The following OTOF variants were observed in gnomAD, a reference collection of about 807,000 sequenced individuals.
OTOF encodes the protein fer-1-like family member 2.
Under a neutral mutation model 236.8 loss-of-function variants are expected in OTOF, and 218 were observed. That is an observed-to-expected ratio of 0.92 (90% CI 0.82 to 1.03). The LOEUF is 1.03. Ranked by LOEUF, OTOF falls within the 50% of genes least tolerant of loss-of-function variation. The pLI is 0.00. For missense variants in OTOF, 2,590 were observed against 2,694.4 expected (o/e 0.96, Z 0.86); for synonymous variants, 1,041 against 1,072.5 (o/e 0.97, Z 0.57).
At chr2:26,465,887 T>C in intron 37 of OTOF, 45 bp from the exon 38 acceptor site, 2 of 1,612,992 alleles carry the variant, frequency 1.2e-6, no homozygotes, top group Non-Finnish European at 1.7e-6. Context: ...TTGGCTAGGG[T>C]GGGAGGTGTT....
At chr2:26,472,822 G>A (rs953095191) in intron 29 of OTOF, among the ~76,000 whole-genome samples, 173 bp from the exon 30 acceptor site, 2 of 152,178 alleles carry the variant, frequency 1.3e-5, no homozygotes, top group Admixed American at 6.5e-5. Flanking sequence ...AAGAGAGCCC[G>A]AGATAAGGGG....
In OTOF at chr2:26,473,641, C is replaced by T; in HGVS notation, c.3409-74G>A. The T allele has an allele frequency of 6.8e-7, 1 of 1,473,876 alleles. No individual in the cohort carries two copies. Among genetic ancestry groups the T allele is most frequent in the Non-Finnish European group, 9.2e-7 (1 of 1,092,794 alleles). 91.3% of individuals were successfully genotyped at this position (1,473,876 alleles called of 1,614,324 possible). A position where few individuals can be genotyped will look rare whatever the true frequency, so the allele number is the denominator to read the frequency against. ...GGGAGCCAGCCATGGGGGTGCTGGA[C>T]CATCCAATAGGGAACCGGGCAGTGG... On this transcript the variant is annotated intron_variant, in intron 27 of 46. Coordinates refer to ENST00000272371, the MANE Select transcript of OTOF (RefSeq NM_194248.3). The surrounding 1 kb of genome is among the most constrained non-coding windows in gnomAD (Gnocchi z 7.2).
In OTOF at chr2:26,503,055, C is replaced by G. The variant is rs555824738; in HGVS notation, c.584-629G>C. On this transcript the variant is annotated intron_variant, in intron 6 of 46. Transcript: ENST00000272371. ...TCTCCATTTAAGAAGGTGAAGGGCA[C>G]GGCTGGAATTGGCATGGGGGCAAGA... Among the ~76,000 whole-genome samples, 19 of 150,700 alleles carry G rather than the reference C, an allele frequency of 1.3e-4. 1 individual carries two copies. The highest frequency in any genetic ancestry group is 2.7e-4 in the Non-Finnish European group (18 of 67,776).
chr2:26,471,075 A>G, intron 31 of OTOF, 46 bp downstream of exon 31: 1 of 1,610,334 alleles, frequency 6.2e-7, no homozygotes, highest in Non-Finnish European at 8.5e-7. Flanking sequence ...CATTGCCAAT[A>G]AAGGACCCTC....
rs367937378 is a variant in OTOF, at chr2:26,503,755, C to T, written c.583+17G>A. 1.2e-6 allele frequency: 2 copies of T among 1,610,762 alleles called. No individual in the cohort carries two copies. On this transcript the variant is annotated intron_variant, in intron 6 of 46. Transcript: ENST00000272371. ...GCGAGGCGCGGGGCTGCGGGGCTCACGCGGCACCTGTCCTACCTGGTCTTT... is the reference window on the plus strand; with the variant it reads ...GCGAGGCGCGGGGCTGCGGGGCTCATGCGGCACCTGTCCTACCTGGTCTTT...
At chr2:26,519,847 G>A (rs899709734) in intron 3 of OTOF, among the ~76,000 whole-genome samples, 8 of 152,174 alleles carry the variant, frequency 5.3e-5, no homozygotes, top group African/African-American at 1.9e-4. Flanking sequence ...GAGTGTTCTT[G>A]TCAAAGCCCC....
rs1234424495 is a variant in OTOF, at chr2:26,478,171, G to GTGGCTC, written c.2215-428_2215-423dup. 7.0e-6 allele frequency: 4 copies of GTGGCTC among 573,244 alleles called. No individual in the cohort carries two copies. The South Asian group carries it at 1.2e-4, about 17-fold the overall frequency. The allele number at this position is 573,244 out of a possible 1,614,324, so 35.5% of individuals were successfully genotyped here. A position where few individuals can be genotyped will look rare whatever the true frequency, so the allele number is the denominator to read the frequency against. ...GAACAGATGCCTGGGGGAAGAGGGA[G>GTGGCTC]TGGCTCTGGCTCTGAGAGCACTGGG... is the stretch of plus-strand genomic sequence containing the variant. On this transcript the variant is annotated intron_variant, in intron 18 of 46. Coordinates refer to ENST00000272371, the MANE Select transcript of OTOF (RefSeq NM_194248.3).
intron 41 of OTOF, among the ~76,000 whole-genome samples, 173 bp downstream of exon 41, chr2:26,463,310 C>G (rs767260709): frequency 2.6e-5 from 4 of 152,226 alleles, no homozygotes; most frequent in African/African-American, 9.7e-5. Flanking sequence ...TAAACTCTAT[C>G]GATTGGTTGG....
intron 26 of OTOF, among the ~76,000 whole-genome samples, 162 bp from the exon 27 acceptor site, chr2:26,474,272 C>A (rs1665142375): frequency 6.7e-6 from 1 of 150,280 alleles, no homozygotes; most frequent in Non-Finnish European, 1.5e-5. Context: ...AGGCCCCAGC[C>A]CCCAGGCCCC....
At chr2:26,483,688 A>T (rs767265628) in intron 12 of OTOF, 40 bp from the exon 13 acceptor site, 3 of 1,588,272 alleles carry the variant, frequency 1.9e-6, no homozygotes, top group Non-Finnish European at 2.6e-6. Flanking sequence ...CACCAGGTCC[A>T]GGTCCCCAAC....
intron 8 of OTOF, among the ~76,000 whole-genome samples, chr2:26,498,739 C>T (rs954532601): frequency 6.6e-6 from 1 of 152,176 alleles, no homozygotes; most frequent in Non-Finnish European, 1.5e-5. Context: ...AGTAATAATG[C>T]TTTGTGACCT....
At chr2:26,471,195 C>T (rs1664959539) in intron 30 of OTOF, 45 bp from the exon 31 acceptor site, 5 of 1,607,066 alleles carry the variant, frequency 3.1e-6, no homozygotes, top group Non-Finnish European at 4.3e-6. Context: ...GCCACTGGGG[C>T]CTGGAGTGGC....
chr2:26,475,461 G>A lies in OTOF; in HGVS notation c.3024C>T (p.Asp1008=). The change falls in exon 25 of 47, where the codon GAC becomes GAT. Residue 1008 remains aspartate (D), a synonymous_variant. Coordinates refer to ENST00000272371, the MANE Select transcript of OTOF (RefSeq NM_194248.3). ...CCAGGTTGTCGAACACCAGCATCTG[G>A]TCCCAGGTGGGACACAGGGTCTCAT... ...VLNETLCPTW[D]QMLVFDNLEL... 1 of 1,613,014 alleles carries A rather than the reference G, an allele frequency of 6.2e-7. No homozygotes were observed. Among genetic ancestry groups the A allele is most frequent in the Non-Finnish European group, 8.5e-7 (1 of 1,179,908 alleles).
Position 26,537,698 on chromosome 2 carries a change from G to A in OTOF, c.138+18C>T. ...CTGGGCTCAGGGCTGAGGGAGGGGG[G>A]AGTCTTGGGCCTCCTACCTCATCAA... On this transcript the variant is annotated intron_variant, in intron 2 of 46. Transcript: ENST00000272371. 6.5e-7 allele frequency: 1 copy of A among 1,545,550 alleles called. No homozygotes were observed. Among genetic ancestry groups the A allele is most frequent in the Non-Finnish European group, 8.8e-7 (1 of 1,141,094 alleles).
At position 26,475,388 on chromosome 2, in the gene OTOF, C is replaced by T. The variant is rs1249512126; in HGVS notation, c.3097G>A (p.Val1033Ile). ...GAATCCTGGTCATAGATTTCAATGA[C>T]AATGATGGGCGGATCGTCCCTCAGC... ...HELRDDPPIIVIEIYDQDSMG... is the reference protein window; with the variant it reads ...HELRDDPPIIIIEIYDQDSMG... Residue 1033 changes from valine to isoleucine, a missense_variant, in exon 25 of 47, where the codon GTC becomes ATC. Around this residue, in one of 2 missense-constraint regions of OTOF, gnomAD observed 1,211 missense variants for 1,352.8 expected, o/e 0.90. Transcript: ENST00000272371. The T allele has an allele frequency of 3.7e-6, 6 of 1,613,052 alleles. No homozygotes were observed. The highest frequency in any genetic ancestry group is 5.1e-6 in the Non-Finnish European group (6 of 1,180,000).
rs1482726409 is a variant in OTOF, at chr2:26,458,102, T to C, written c.*136A>G. Reference sequence around the variant, plus strand: ...AGGCTGTAGAGGAAGAGCCCCAACATGAGCAGCCCCAACAGCGCCAGCACG... The same window carrying C: ...AGGCTGTAGAGGAAGAGCCCCAACACGAGCAGCCCCAACAGCGCCAGCACG... On this transcript the variant is annotated 3_prime_UTR_variant, in exon 47 of 47. Transcript: ENST00000272371. The C allele has an allele frequency of 6.2e-7, 1 of 1,614,106 alleles. No individual in the cohort carries two copies. The highest frequency in any genetic ancestry group is 8.5e-7 in the Non-Finnish European group (1 of 1,180,002).
chr2:26,470,685 C>CCTTCTT lies in OTOF; in HGVS notation c.3925_3930dup (p.Lys1309_Lys1310dup), dbSNP rs368148603. The CCTTCTT allele has an allele frequency of 7.8e-5, 126 of 1,609,640 alleles. No individual in the cohort carries two copies. The African/African-American group carries it at 8.5e-4, about 11-fold the overall frequency. On this transcript the variant is annotated inframe_insertion, in exon 32 of 47. Transcript: ENST00000272371. The surrounding 1 kb of genome is among the most constrained non-coding windows in gnomAD (Gnocchi z 4.3). ...TCCTCCTCTGGCTCCTCCGCAGTGCCCTTCTTCTTCTTCTTCTTCTCCTTC... is the reference window on the plus strand; with the variant it reads ...TCCTCCTCTGGCTCCTCCGCAGTGCCCTTCTTCTTCTTCTTCTTCTTCTTCTCCTTC...
chr2:26,522,000 T>G (rs1666687876), intron 3 of OTOF, among the ~76,000 whole-genome samples: 1 of 152,200 alleles, frequency 6.6e-6, no homozygotes, highest in Non-Finnish European at 1.5e-5. Flanking sequence ...GCGAGTCTCC[T>G]TTGCAGGATG....
At chr2:26,489,997 G>A (rs1415824209) in intron 9 of OTOF, among the ~76,000 whole-genome samples, 2 of 152,238 alleles carry the variant, frequency 1.3e-5, no homozygotes, top group Non-Finnish European at 2.9e-5. Context: ...GGAACAGTAG[G>A]TGGGACAGCC....
Sources: gnomAD v4.1 joint callset for allele counts (sites outside exome capture counted in the v4.1 genomes callset) on GRCh38, gnomAD v4.1.1 for gene constraint, gnomAD v4.1.1 regional missense constraint, Gnocchi (gnomAD v3.1) non-coding constraint, MANE v1.5 for transcripts, NCBI Gene and HGNC (gene_info 2026-07-23, HGNC 2026-07-21) for gene names.